SLC35F1: variants seen among roughly 807,000 people sequenced by gnomAD.
The protein encoded by SLC35F1 is chromosome 6 open reading frame 169.
A neutral mutation model predicts 48.7 loss-of-function variants in SLC35F1; 14 were observed. The ratio of observed to expected loss-of-function variants is 0.29; its 90% CI spans 0.19 to 0.45. SLC35F1 has a LOEUF of 0.45. Among genes scored for constraint, SLC35F1 ranks in the 20% least tolerant of loss-of-function variants. The pLI is 1.00. For missense variants in SLC35F1, 404 were observed against 500.0 expected, an observed-to-expected ratio of 0.81 and a Z score of 1.83; for synonymous variants, 190 against 202.2, an observed-to-expected ratio of 0.94 and a Z score of 0.51.
At chr6:118,054,560 C>T (rs1263292048) in intron 1 of SLC35F1, among the ~76,000 whole-genome samples, 1 of 152,042 alleles carries the variant, frequency 6.6e-6, no homozygotes, top group African/African-American at 2.4e-5. Flanking sequence ...CTCTATATGC[C>T]ATTTTGGCAA....
intron 2 of SLC35F1, among the ~76,000 whole-genome samples, chr6:118,159,372 T>C (rs1206571223): frequency 6.6e-6 from 1 of 152,154 alleles, no homozygotes; most frequent in Non-Finnish European, 1.5e-5. Context: ...AGATAACTGT[T>C]ACATCAATAG....
chr6:118,262,063 G>C (rs1423133974), intron 3 of SLC35F1, among the ~76,000 whole-genome samples: 2 of 152,196 alleles, frequency 1.3e-5, no homozygotes, highest in Non-Finnish European at 1.5e-5. Context: ...AGGGTTTGCA[G>C]CCTGAAGGCA....
chr6:118,257,786 C>G (rs961480183), intron 3 of SLC35F1, among the ~76,000 whole-genome samples: 1 of 151,988 alleles, frequency 6.6e-6, no homozygotes, highest in Non-Finnish European at 1.5e-5. Context: ...TAGTTAAAAG[C>G]CATAAGTTGA....
chr6:117,920,529 C>T (rs1483790955), intron 1 of SLC35F1, among the ~76,000 whole-genome samples: 1 of 152,174 alleles, frequency 6.6e-6, no homozygotes, highest in Non-Finnish European at 1.5e-5. Flanking sequence ...TGACCACCAC[C>T]CAGTGAGTGC....
intron 2 of SLC35F1, among the ~76,000 whole-genome samples, chr6:118,197,198 C>A (rs1334033815): frequency 6.6e-6 from 1 of 152,018 alleles, no homozygotes; most frequent in Non-Finnish European, 1.5e-5. Context: ...TTTCCTCATT[C>A]TTTTTTCTTT....
intron 1 of SLC35F1, among the ~76,000 whole-genome samples, chr6:118,093,490 G>A (rs1461780776): frequency 2.0e-5 from 3 of 152,126 alleles, no homozygotes; most frequent in Non-Finnish European, 4.4e-5. Context: ...TTATTCCCAT[G>A]CTTTTCTCAT....
chr6:118,087,425 C>G (rs549567780), intron 1 of SLC35F1, among the ~76,000 whole-genome samples: 2 of 152,258 alleles, frequency 1.3e-5, no homozygotes, highest in South Asian at 4.1e-4. Context: ...CAATTTAGCC[C>G]ATAACAGGCC....
At chr6:118,219,092 C>T (rs988597902) in intron 2 of SLC35F1, among the ~76,000 whole-genome samples, 4 of 152,104 alleles carry the variant, frequency 2.6e-5, no homozygotes, top group Admixed American at 2.6e-4. Flanking sequence ...TGGCAGTGCA[C>T]AGGAGCTGAC....
chr6:117,936,998 C>T (rs1049079190), intron 1 of SLC35F1, among the ~76,000 whole-genome samples: 1 of 152,172 alleles, frequency 6.6e-6, no homozygotes, highest in Non-Finnish European at 1.5e-5. Context: ...TGCACTCTAA[C>T]ATGTTTGCAT....
intron 1 of SLC35F1, among the ~76,000 whole-genome samples, chr6:118,049,761 TTGG>T (rs1359702707): frequency 2.0e-5 from 3 of 151,926 alleles, no homozygotes; most frequent in Non-Finnish European, 4.4e-5. Context: ...TTTTACACTG[TTGG>T]TGGGACTGTA....
chr6:118,224,706 G>T (rs1775192479), intron 2 of SLC35F1, among the ~76,000 whole-genome samples: 1 of 152,150 alleles, frequency 6.6e-6, no homozygotes, highest in Non-Finnish European at 1.5e-5. Flanking sequence ...TTCTTCTTCA[G>T]ATTGCTCTCT....
At chr6:118,043,892 G>T (rs1306857070) in intron 1 of SLC35F1, among the ~76,000 whole-genome samples, 2 of 152,162 alleles carry the variant, frequency 1.3e-5, no homozygotes, top group African/African-American at 2.4e-5. Flanking sequence ...TTTTAAATCA[G>T]GCCTTTTAGA....
chr6:118,022,506 G>A (rs1195740697), intron 1 of SLC35F1, among the ~76,000 whole-genome samples: 1 of 152,164 alleles, frequency 6.6e-6, no homozygotes, highest in Non-Finnish European at 1.5e-5. Context: ...TGGATGGCAA[G>A]TTGAGGGCTG....
chr6:118,168,275 A>G (rs576841165), intron 2 of SLC35F1, among the ~76,000 whole-genome samples: 1 of 152,136 alleles, frequency 6.6e-6, no homozygotes, highest in South Asian at 2.1e-4. Context: ...ATTTTGATAA[A>G]TATAATATTC....
In SLC35F1 at chr6:117,954,116, A is replaced by G. The variant is rs77777749; in HGVS notation, c.173+46217A>G. Among the ~76,000 whole-genome samples the G allele has an allele frequency of 6.0e-3, 913 of 152,376 alleles. 6 individuals carry two copies. Among genetic ancestry groups the G allele is most frequent in the Non-Finnish European group, 0.01 (711 of 68,034 alleles). ...TTTTGTTAAAGCAAACTGATGCTTTATAGCAATCTTAACAGGTTACAGTGG... is the reference window on the plus strand; with the variant it reads ...TTTTGTTAAAGCAAACTGATGCTTTGTAGCAATCTTAACAGGTTACAGTGG... On this transcript the variant is annotated intron_variant, in intron 1 of 7. Transcript: ENST00000360388.
intron 7 of SLC35F1, among the ~76,000 whole-genome samples, chr6:118,304,100 T>C (rs1256879864): frequency 1.3e-5 from 2 of 152,248 alleles, no homozygotes; most frequent in African/African-American, 4.8e-5. Context: ...AGTGAATTGC[T>C]AGAGTTACTC....
chr6:118,215,963 A>G (rs141796780), intron 2 of SLC35F1, among the ~76,000 whole-genome samples: 5 of 152,314 alleles, frequency 3.3e-5, no homozygotes, highest in Non-Finnish European at 5.9e-5. Context: ...GTTAAAGTGT[A>G]CTTTGTATCA....
At chr6:117,960,026 C>T (rs916857022) in intron 1 of SLC35F1, among the ~76,000 whole-genome samples, 6 of 152,024 alleles carry the variant, frequency 3.9e-5, no homozygotes, top group African/African-American at 1.4e-4. Flanking sequence ...TATCATCTTA[C>T]TCTTTCAAGG....
chr6:117,978,465 A>G (rs1167424711), intron 1 of SLC35F1, among the ~76,000 whole-genome samples: 2 of 152,002 alleles, frequency 1.3e-5, no homozygotes, highest in African/African-American at 4.8e-5. Context: ...CCCCTTCCTT[A>G]CATCTTCATC....
Sources: gnomAD v4.1 joint callset for allele counts (sites outside exome capture counted in the v4.1 genomes callset) on GRCh38, gnomAD v4.1.1 for gene constraint, MANE v1.5 for transcripts, NCBI Gene and HGNC (gene_info 2026-07-23, HGNC 2026-07-21) for gene names.